The following TMEM132D variants were observed in gnomAD, a reference collection of about 807,000 sequenced individuals.
The protein encoded by TMEM132D is mature OL transmembrane protein.
In TMEM132D, 21 loss-of-function variants were observed where a neutral mutation model predicts 62.3. That is an observed-to-expected ratio of 0.34 (90% CI 0.24 to 0.49). The LOEUF (loss-of-function observed/expected upper bound fraction) is 0.49, where lower values mean the gene tolerates loss of function less well. Ranked by LOEUF, TMEM132D falls within the 20% of genes least tolerant of loss-of-function variation. The pLI is 0.99. For synonymous variants in TMEM132D, 621 were observed against 575.6 expected (o/e 1.08, Z -1.13); for missense variants, 1,346 against 1,402.8 (o/e 0.96, Z 0.65).
intron 5 of TMEM132D, among the ~76,000 whole-genome samples, chr12:129,113,654 G>A (rs1875795832): frequency 2.0e-5 from 3 of 152,026 alleles, no homozygotes; most frequent in Non-Finnish European, 2.9e-5. Context: ...TAGACCCGTC[G>A]GCCAGCGAAA....
intron 1 of TMEM132D, among the ~76,000 whole-genome samples, chr12:129,802,534 G>GGAA (rs1268778999): frequency 1.8e-5 from 2 of 113,098 alleles, no homozygotes; most frequent in African/African-American, 6.8e-5. Context: ...AGCTCCTGAA[G>GGAA]GAAGCGCTAA....
intron 1 of TMEM132D, among the ~76,000 whole-genome samples, chr12:129,734,415 T>C (rs1446946583): frequency 6.6e-6 from 1 of 152,218 alleles, no homozygotes; most frequent in Non-Finnish European, 1.5e-5. Context: ...ACTTTTTTTC[T>C]GACCATCCCT....
chr12:129,631,806 G>A (rs774040833), intron 2 of TMEM132D, among the ~76,000 whole-genome samples: 3 of 152,122 alleles, frequency 2.0e-5, no homozygotes, highest in South Asian at 2.1e-4. Flanking sequence ...CAGAATTGGT[G>A]AGCCATTGGC....
At chr12:129,309,369 T>C (rs1030778324) in intron 4 of TMEM132D, among the ~76,000 whole-genome samples, 3 of 152,222 alleles carry the variant, frequency 2.0e-5, no homozygotes. Flanking sequence ...AATTACTTTA[T>C]CACTACTTAG....
intron 4 of TMEM132D, among the ~76,000 whole-genome samples, chr12:129,310,447 G>A (rs1881946301): frequency 6.6e-6 from 1 of 152,188 alleles, no homozygotes; most frequent in African/African-American, 2.4e-5. Context: ...TGTGGGACAG[G>A]CCCAGCCCAA....
chr12:129,078,766 G>A lies in TMEM132D; in HGVS notation c.1924-41C>T, dbSNP rs199804707. 9.3e-5 allele frequency: 148 copies of A among 1,597,294 alleles called. No homozygotes were observed. In the African/African-American group the frequency reaches 1.7e-3, roughly 18 times the overall value. ...GACATGACAAGGAAAGGCTTTCTGTGGTCCAGGCAATGCCTCCAGTCACAG... is the reference window on the plus strand; with the variant it reads ...GACATGACAAGGAAAGGCTTTCTGTAGTCCAGGCAATGCCTCCAGTCACAG... On this transcript the variant is annotated intron_variant, in intron 7 of 8. Coordinates refer to ENST00000422113, the MANE Select transcript of TMEM132D (RefSeq NM_133448.3).
In TMEM132D at chr12:129,074,358, C is replaced by A. The variant is rs1469267816; in HGVS notation, c.2817G>T (p.Val939=). The change falls in exon 9 of 9, where the codon GTG becomes GTT. Residue 939 remains valine, a synonymous_variant. Transcript: ENST00000422113. ...TGTGTCTGTATTTTAATGCAAAGGT[C>A]ACACAGTTTATCAAGAAGACCAAAA... The part of the protein sequence containing the change: ...LAILVFLINC[V]TFALKYRHKQ... 2.5e-6 allele frequency: 4 copies of A among 1,613,904 alleles called. No homozygotes were observed. Among genetic ancestry groups the A allele is most frequent in the Admixed American group, 1.7e-5 (1 of 59,988 alleles).
At chr12:129,172,076 A>G (rs142591984) in intron 5 of TMEM132D, among the ~76,000 whole-genome samples, 46 of 152,312 alleles carry the variant, frequency 3.0e-4, no homozygotes, top group Middle Eastern at 3.4e-3. Context: ...TCCTTCCCCA[A>G]TGATATTAGC....
chr12:129,724,187 G>A (rs10847930), intron 1 of TMEM132D, among the ~76,000 whole-genome samples: 123,370 of 152,174 alleles, frequency 0.81, 50,813 homozygotes, highest in Non-Finnish European at 0.9. Context: ...CTGTAGAGCC[G>A]ACTATCATTA....
chr12:129,464,066 G>A (rs1478777757), intron 3 of TMEM132D, among the ~76,000 whole-genome samples: 1 of 150,496 alleles, frequency 6.6e-6, no homozygotes, highest in Non-Finnish European at 1.5e-5. Flanking sequence ...TTCCACAATG[G>A]TTGAACTAGT....
At chr12:129,347,402 C>G (rs999761661) in intron 3 of TMEM132D, among the ~76,000 whole-genome samples, 22 of 152,226 alleles carry the variant, frequency 1.4e-4, no homozygotes, top group African/African-American at 5.1e-4. Flanking sequence ...TGAAATAACA[C>G]CACACATCTA....
intron 1 of TMEM132D, among the ~76,000 whole-genome samples, chr12:129,726,212 G>A (rs1316886972): frequency 6.6e-6 from 1 of 152,178 alleles, no homozygotes. Context: ...CTTGCTGACT[G>A]TGCTTAAATC....
rs1156364276 is a variant in TMEM132D, at chr12:129,816,814, G to A, written c.79+86447C>T. On this transcript the variant is annotated intron_variant, in intron 1 of 8. Coordinates refer to ENST00000422113, the MANE Select transcript of TMEM132D (RefSeq NM_133448.3). ...CTTTGATTACAGCATTTGCTAAAAC[G>A]AACGCAGATGATGTTCTCATGCGTG... Among the ~76,000 whole-genome samples the A allele has an allele frequency of 3.9e-5, 6 of 152,102 alleles. No homozygotes were observed. In the South Asian group the frequency reaches 6.2e-4, roughly 16 times the overall value.
At chr12:129,484,040 G>T (rs1874508775) in intron 3 of TMEM132D, among the ~76,000 whole-genome samples, 1 of 152,068 alleles carries the variant, frequency 6.6e-6, no homozygotes, top group African/African-American at 2.4e-5. Context: ...CGTGATTTCA[G>T]CTTACTGTAA....
chr12:129,098,225 A>G (rs1875176642), intron 5 of TMEM132D, among the ~76,000 whole-genome samples: 1 of 152,234 alleles, frequency 6.6e-6, no homozygotes, highest in Non-Finnish European at 1.5e-5. Flanking sequence ...CAGAAAAGAG[A>G]GCTCAGAAAC....
chr12:129,875,582 G>A (rs1395983134), intron 1 of TMEM132D, among the ~76,000 whole-genome samples: 1 of 152,118 alleles, frequency 6.6e-6, no homozygotes, highest in African/African-American at 2.4e-5. Flanking sequence ...GGAGACACAC[G>A]GACATCCAGC....
chr12:129,591,163 G>T (rs1878178186), intron 2 of TMEM132D, among the ~76,000 whole-genome samples: 1 of 152,212 alleles, frequency 6.6e-6, no homozygotes, highest in African/African-American at 2.4e-5. Context: ...AATGAAGGTT[G>T]AGGAAGAAGG....
intron 1 of TMEM132D, among the ~76,000 whole-genome samples, chr12:129,882,204 A>C (rs899124383): frequency 6.6e-6 from 1 of 152,096 alleles, no homozygotes; most frequent in African/African-American, 2.4e-5. Flanking sequence ...CATTTAAAGA[A>C]GTTCTAGCTC....
chr12:129,739,818 C>T (rs1319570831), intron 1 of TMEM132D, among the ~76,000 whole-genome samples: 4 of 152,198 alleles, frequency 2.6e-5, no homozygotes, highest in African/African-American at 9.6e-5. Context: ...AAAATGCAAG[C>T]AGGTTCTACT....
Sources: allele counts gnomAD v4.1 joint callset (sites outside exome capture counted in the v4.1 genomes callset), GRCh38; gene constraint gnomAD v4.1.1; transcripts MANE v1.5; gene names NCBI Gene and HGNC (gene_info 2026-07-23, HGNC 2026-07-21).